MED13L: variants seen among roughly 807,000 people sequenced by gnomAD.
MED13L encodes mediator complex subunit 13L, also known as mediator of RNA polymerase II transcription subunit 13-like.
Under a neutral mutation model 220.9 loss-of-function variants are expected in MED13L, and 7 were observed. That is an observed-to-expected ratio of 0.03 (90% CI 0.02 to 0.06). The LOEUF is 0.06. MED13L is among the 10% of genes least tolerant of loss of function. The probability of loss-of-function intolerance (pLI) is 1.00; values close to 1 mark genes in which losing one functional copy is unlikely to be tolerated. For missense variants in MED13L, 1,965 were observed against 2,760.5 expected (o/e 0.71, Z 6.46); for synonymous variants, 1,011 against 1,015.2 (o/e 1.00, Z 0.08).
chr12:116,223,061 G>C (rs1482156576), intron 2 of MED13L, among the ~76,000 whole-genome samples: 1 of 152,180 alleles, frequency 6.6e-6, no homozygotes, highest in African/African-American at 2.4e-5. Context: ...TTCTCAGAGA[G>C]AGCCTCAGCT....
intron 2 of MED13L, among the ~76,000 whole-genome samples, chr12:116,164,884 T>C (rs1248569999): frequency 1.3e-5 from 2 of 152,272 alleles, no homozygotes; most frequent in African/African-American, 4.8e-5. Context: ...ATGTTTACTT[T>C]CAGTCTTTTG....
chr12:116,035,232 C>G (rs1881109769), intron 4 of MED13L, among the ~76,000 whole-genome samples: 1 of 152,068 alleles, frequency 6.6e-6, no homozygotes, highest in Non-Finnish European at 1.5e-5. Context: ...CTGGCATGCA[C>G]AGCAAGAGCC....
At chr12:116,069,488 A>G (rs1870207092) in intron 4 of MED13L, among the ~76,000 whole-genome samples, 1 of 152,156 alleles carries the variant, frequency 6.6e-6, no homozygotes, top group Non-Finnish European at 1.5e-5. Flanking sequence ...TGCTTTTCTT[A>G]TAAAGTTTCT....
At chr12:116,070,601 C>T (rs1870292799) in intron 4 of MED13L, among the ~76,000 whole-genome samples, 1 of 152,108 alleles carries the variant, frequency 6.6e-6, no homozygotes, top group African/African-American at 2.4e-5. Context: ...CTAAAACACT[C>T]GCCTAGCACC....
At chr12:116,079,171 A>G (rs1871040101) in intron 4 of MED13L, among the ~76,000 whole-genome samples, 1 of 152,172 alleles carries the variant, frequency 6.6e-6, no homozygotes, top group Admixed American at 6.6e-5. Flanking sequence ...GTTTATTATT[A>G]TTACTATTTT....
At chr12:115,996,130 G>A (rs759875926) in intron 16 of MED13L, among the ~76,000 whole-genome samples, 47 of 151,556 alleles carry the variant, frequency 3.1e-4, no homozygotes, top group Non-Finnish European at 4.9e-4. Flanking sequence ...TCACTCTGTC[G>A]CCCAGGCTGG....
chr12:116,022,654 C>A (rs1250555077), intron 4 of MED13L, 53 bp from the exon 5 acceptor site: 1 of 1,566,912 alleles, frequency 6.4e-7, no homozygotes, highest in Admixed American at 1.8e-5. Context: ...GGAAAGGGTG[C>A]TAGAAACAGG....
chr12:116,233,104 A>T (rs1438424324), intron 2 of MED13L, among the ~76,000 whole-genome samples: 1 of 151,326 alleles, frequency 6.6e-6, no homozygotes, highest in Non-Finnish European at 1.5e-5. Flanking sequence ...AAAAAAAAAA[A>T]AAAAAAGTAA....
intron 2 of MED13L, among the ~76,000 whole-genome samples, chr12:116,132,163 C>A (rs560296433): frequency 6.6e-6 from 1 of 151,338 alleles, no homozygotes; most frequent in Non-Finnish European, 1.5e-5. Flanking sequence ...TGCCTGTAAT[C>A]CCAGCTACTC....
chr12:115,984,442 G>C, intron 19 of MED13L, 70 bp from the exon 20 acceptor site: 3 of 1,539,994 alleles, frequency 1.9e-6, no homozygotes, highest in Non-Finnish European at 2.7e-6. Flanking sequence ...TGGTTAGCAA[G>C]GGAGATTCTT....
At chr12:116,045,622 T>C (rs992884715) in intron 4 of MED13L, among the ~76,000 whole-genome samples, 2 of 152,084 alleles carry the variant, frequency 1.3e-5, no homozygotes, top group Non-Finnish European at 2.9e-5. Flanking sequence ...TGGTGAAAAA[T>C]GCTCTGCTAT....
intron 2 of MED13L, among the ~76,000 whole-genome samples, chr12:116,231,701 G>C (rs1261134549): frequency 6.6e-6 from 1 of 152,100 alleles, no homozygotes; most frequent in African/African-American, 2.4e-5. Flanking sequence ...AAGTGCTCTG[G>C]TTACGTAAAA....
At chr12:116,161,069 T>C (rs1352867334) in intron 2 of MED13L, among the ~76,000 whole-genome samples, 2 of 152,082 alleles carry the variant, frequency 1.3e-5, no homozygotes, top group African/African-American at 4.8e-5. Flanking sequence ...TTTTACATCA[T>C]CCCAGGTCAG....
intron 3 of MED13L, 147 bp from the exon 4 acceptor site, chr12:116,096,899 C>A (rs1007292453): frequency 9.0e-6 from 6 of 665,194 alleles, no homozygotes; most frequent in South Asian, 1.8e-5. Flanking sequence ...AAAATTTTTA[C>A]GTTATACTTT....
At chr12:116,066,028 A>G (rs564595173) in intron 4 of MED13L, among the ~76,000 whole-genome samples, 1 of 152,328 alleles carries the variant, frequency 6.6e-6, no homozygotes, top group East Asian at 1.9e-4. Context: ...CACAAGTAGG[A>G]CAAAGGTGAT....
chr12:116,267,258 C>G (rs1872902646), intron 1 of MED13L, among the ~76,000 whole-genome samples: 1 of 152,070 alleles, frequency 6.6e-6, no homozygotes, highest in African/African-American at 2.4e-5. Context: ...ATGGTTGTAA[C>G]GAAAAACTGT....
chr12:116,277,199 C>G lies in MED13L; in HGVS notation c.-68G>C. ...CGAGGCGTCCGAGGCGAGGCCGGGC[C>G]GGGCGGCGGCGCCTCGCCGGGGAGC... On this transcript the variant is annotated 5_prime_UTR_variant, in exon 1 of 31. Coordinates refer to ENST00000281928, the MANE Select transcript of MED13L (RefSeq NM_015335.5). 2 of 1,087,152 alleles carry G rather than the reference C, an allele frequency of 1.8e-6. No homozygotes were observed. Among genetic ancestry groups the G allele is most frequent in the African/African-American group, 1.7e-5 (1 of 59,178 alleles). 67.3% of individuals were successfully genotyped at this position (1,087,152 alleles called of 1,614,324 possible).
At chr12:116,076,007 G>A (rs1020216988) in intron 4 of MED13L, among the ~76,000 whole-genome samples, 42 of 148,932 alleles carry the variant, frequency 2.8e-4, no homozygotes, top group Non-Finnish European at 4.1e-4. Context: ...TCCGCCTCCC[G>A]GGTTCACGCC....
At chr12:115,997,273 T>C in intron 14 of MED13L, 43 bp from the exon 15 acceptor site, 1 of 1,559,214 alleles carries the variant, frequency 6.4e-7, no homozygotes, top group Non-Finnish European at 8.8e-7. Flanking sequence ...TAGGAAGGGC[T>C]TCTAAAAAGT....
Sources: allele counts gnomAD v4.1 joint callset (sites outside exome capture counted in the v4.1 genomes callset), GRCh38; gene constraint gnomAD v4.1.1; transcripts MANE v1.5; gene names NCBI Gene and HGNC (gene_info 2026-07-23, HGNC 2026-07-21).